RYR3: variants seen among roughly 807,000 people sequenced by gnomAD.
RYR3 encodes brain ryanodine receptor-calcium release channel.
A neutral mutation model predicts 584.3 loss-of-function variants in RYR3; 207 were observed. The observed-to-expected ratio is 0.35, with a 90% CI of 0.32 to 0.40. The LOEUF is 0.40. RYR3 is among the 10% of genes least tolerant of loss of function. RYR3 has a pLI of 1.00. For synonymous variants in RYR3, 2,416 were observed against 2,248.5 expected (o/e 1.07, Z -2.11); for missense variants, 5,616 against 6,089.2 (o/e 0.92, Z 2.59).
chr15:33,718,990 A>G (rs932259675), intron 43 of RYR3, among the ~76,000 whole-genome samples: 7 of 152,296 alleles, frequency 4.6e-5, no homozygotes, highest in Non-Finnish European at 5.9e-5. Flanking sequence ...GTCAATATCT[A>G]GCTTTACCAC....
At chr15:33,675,521 A>C (rs2064121816) in intron 38 of RYR3, among the ~76,000 whole-genome samples, 1 of 152,200 alleles carries the variant, frequency 6.6e-6, no homozygotes, top group Non-Finnish European at 1.5e-5. Flanking sequence ...TTATGAGCAC[A>C]GGGCTCCGGA....
chr15:33,362,415 A>G (rs1974898079), intron 1 of RYR3, among the ~76,000 whole-genome samples: 1 of 150,384 alleles, frequency 6.6e-6, no homozygotes, highest in Non-Finnish European at 1.5e-5. Flanking sequence ...CATCATCATC[A>G]GCAGCAGCAG....
chr15:33,481,491 G>A (rs28763724), intron 2 of RYR3, among the ~76,000 whole-genome samples: 1 of 149,140 alleles, frequency 6.7e-6, no homozygotes, highest in South Asian at 2.1e-4. Flanking sequence ...TTTTTTTTGG[G>A]TTTTTTTGAG....
chr15:33,524,993 A>ATC (rs1240317574), intron 3 of RYR3, among the ~76,000 whole-genome samples: 2 of 152,198 alleles, frequency 1.3e-5, no homozygotes, highest in African/African-American at 4.8e-5. Context: ...CTTTGAGTAT[A>ATC]TCTGATGCAT....
Position 33,634,470 on chromosome 15 carries a change from C to G in RYR3, c.3028-116C>G, listed in dbSNP as rs577817515. 3 of 929,206 alleles carry G rather than the reference C, an allele frequency of 3.2e-6. No individual in the cohort carries two copies. In the Admixed American group the frequency reaches 6.3e-5, roughly 19 times the overall value. 57.6% of individuals were successfully genotyped at this position (929,206 alleles called of 1,614,324 possible). A position where few individuals can be genotyped will look rare whatever the true frequency, so the allele number is the denominator to read the frequency against. On this transcript the variant is annotated intron_variant, in intron 24 of 103. Coordinates refer to ENST00000634891, the MANE Select transcript of RYR3 (RefSeq NM_001036.6). ...AAATGTGAAGGCACTGAGGGAAGGG[C>G]TAATAGACCTAGAGCGACCAGAAAG...
chr15:33,842,482 G>A (rs1303841034), intron 91 of RYR3, among the ~76,000 whole-genome samples: 1 of 152,232 alleles, frequency 6.6e-6, no homozygotes, highest in African/African-American at 2.4e-5. Flanking sequence ...GCTTAGAACA[G>A]CTTGTAATAT....
In RYR3 at chr15:33,425,574, A is replaced by G. The variant is rs531381517; in HGVS notation, c.52-47845A>G. Among the ~76,000 whole-genome samples the G allele has an allele frequency of 5.9e-5, 9 of 151,798 alleles. No individual in the cohort carries two copies. In the South Asian group the frequency reaches 6.2e-4, roughly 11 times the overall value. On this transcript the variant is annotated intron_variant, in intron 1 of 103. Transcript: ENST00000634891. ...ACAAAATAACCCTGTGTTGTCTGCTATAGTCTACAGTCTGTTTTCTGACAC... is the reference window on the plus strand; with the variant it reads ...ACAAAATAACCCTGTGTTGTCTGCTGTAGTCTACAGTCTGTTTTCTGACAC...
At position 33,311,968 on chromosome 15, in the gene RYR3, C is replaced by T. The variant is rs1208339757; in HGVS notation, c.51+872C>T. ...AGGGGTGGGGGCATTGGGGATGCAT[C>T]CTAGCGCTGACTTCAGCCAAGTGAC... On this transcript the variant is annotated intron_variant, in intron 1 of 103. Coordinates refer to ENST00000634891, the MANE Select transcript of RYR3 (RefSeq NM_001036.6). This position sits in a 1 kb window ranked among gnomAD's most constrained non-coding sequence, Gnocchi z 4.4. Among the ~76,000 whole-genome samples, 1 of 152,224 alleles carries T rather than the reference C, an allele frequency of 6.6e-6. No individual in the cohort carries two copies. The highest frequency in any genetic ancestry group is 1.5e-5 in the Non-Finnish European group (1 of 68,046).
intron 7 of RYR3, among the ~76,000 whole-genome samples, chr15:33,541,776 A>G (rs115158791): frequency 0.017 from 2,634 of 152,208 alleles, 86 homozygotes; most frequent in African/African-American, 0.06. Context: ...GGAAAAGACA[A>G]ATTCTTAACT....
At chr15:33,734,661 G>A (rs1470122216) in intron 48 of RYR3, among the ~76,000 whole-genome samples, 1 of 149,972 alleles carries the variant, frequency 6.7e-6, no homozygotes, top group East Asian at 2.0e-4. Flanking sequence ...TAAAGAATCA[G>A]ACTTTGGAGA....
rs558377671 is a variant in RYR3, at chr15:33,521,670, G to A, written c.280-8922G>A. ...CTGTGATATGAGGAGACAGGAAGAA[G>A]GCAGTACTGTGGGTGTCGAAGGTGG... On this transcript the variant is annotated intron_variant, in intron 3 of 103. Transcript: ENST00000634891. Among the ~76,000 whole-genome samples the A allele has an allele frequency of 2.6e-5, 4 of 152,246 alleles. No homozygotes were observed. The East Asian group carries it at 7.7e-4, about 29-fold the overall frequency.
chr15:33,422,820 G>C (rs1294933196), intron 1 of RYR3, among the ~76,000 whole-genome samples: 1 of 152,168 alleles, frequency 6.6e-6, no homozygotes, highest in Non-Finnish European at 1.5e-5. Flanking sequence ...TTAGCCTGCA[G>C]AAAGCCATTG....
intron 1 of RYR3, among the ~76,000 whole-genome samples, chr15:33,411,917 G>A (rs1407777564): frequency 6.6e-6 from 1 of 152,130 alleles, no homozygotes; most frequent in African/African-American, 2.4e-5. Flanking sequence ...TGTTTTGGAT[G>A]TTTTCTGTTG....
chr15:33,800,476 T>G (rs996581419), intron 67 of RYR3, among the ~76,000 whole-genome samples: 2 of 152,230 alleles, frequency 1.3e-5, no homozygotes, highest in Non-Finnish European at 2.9e-5. Context: ...TAACCTACTT[T>G]TGACCATTTT....
At chr15:33,810,817 C>T (rs934182345) in intron 71 of RYR3, 161 bp from the exon 72 acceptor site, 3 of 1,041,334 alleles carry the variant, frequency 2.9e-6, no homozygotes, top group African/African-American at 1.6e-5. Flanking sequence ...GTTTGGAAGT[C>T]CGTGTGTGCC....
chr15:33,658,717 A>G (rs906040020), intron 32 of RYR3, among the ~76,000 whole-genome samples: 4 of 152,250 alleles, frequency 2.6e-5, no homozygotes, highest in Non-Finnish European at 5.9e-5. Flanking sequence ...TCTTGAAAAC[A>G]CTTTAGTAAT....
chr15:33,831,030 A>G lies in RYR3; in HGVS notation c.11402A>G (p.Asn3801Ser). Reference sequence around the variant, plus strand: ...ATCATTGATGAATCTGGACAGCACAATTTTTCCAAAGCTCTGGCAGTCACC... The same window carrying G: ...ATCATTGATGAATCTGGACAGCACAGTTTTTCCAAAGCTCTGGCAGTCACC... ...KDIIDESGQHNFSKALAVTKQ... is the reference protein window; with the variant it reads ...KDIIDESGQHSFSKALAVTKQ... Residue 3801 changes from asparagine (N) to serine (S), a missense_variant, in exon 86 of 104, where the codon AAT becomes AGT. Coordinates refer to ENST00000634891, the MANE Select transcript of RYR3 (RefSeq NM_001036.6). The G allele has an allele frequency of 1.2e-6, 2 of 1,613,732 alleles. No individual in the cohort carries two copies. Among genetic ancestry groups the G allele is most frequent in the East Asian group, 2.2e-5 (1 of 44,870 alleles).
Position 33,311,723 on chromosome 15 carries a change from G to C in RYR3, c.51+627G>C, listed in dbSNP as rs547628576. The stretch of plus-strand genomic sequence containing the variant: ...AGCCTGACTTGACTGACTGCCTGTC[G>C]TGTGTTCGAGAGCTGTGGCTTCTGC... On this transcript the variant is annotated intron_variant, in intron 1 of 103. Coordinates refer to ENST00000634891, the MANE Select transcript of RYR3 (RefSeq NM_001036.6). This position sits in a 1 kb window ranked among gnomAD's most constrained non-coding sequence, Gnocchi z 4.4. Among the ~76,000 whole-genome samples the C allele has an allele frequency of 1.3e-5, 2 of 152,352 alleles. No individual in the cohort carries two copies. Among genetic ancestry groups the C allele is most frequent in the South Asian group, 2.1e-4 (1 of 4,830 alleles).
intron 1 of RYR3, among the ~76,000 whole-genome samples, chr15:33,454,455 C>T (rs149541305): frequency 7.7e-4 from 117 of 152,230 alleles, no homozygotes; most frequent in African/African-American, 2.7e-3. Flanking sequence ...CCTGGCCAAG[C>T]GAAACTCCAT....
Sources: allele counts gnomAD v4.1 joint callset (sites outside exome capture counted in the v4.1 genomes callset), GRCh38; gene constraint gnomAD v4.1.1; non-coding constraint Gnocchi (gnomAD v3.1); transcripts MANE v1.5; gene names NCBI Gene and HGNC (gene_info 2026-07-23, HGNC 2026-07-21).